Variants in LGSN observed in about 807,000 individuals in gnomAD.
LGSN encodes lengsin, lens protein with glutamine synthetase domain, also known as lengsin.
LGSN carries 21 observed loss-of-function variants against 19.5 expected under a neutral mutation model. That is an observed-to-expected ratio of 1.07 (90% CI 0.76 to 1.55). LGSN has a LOEUF of 1.55. Among genes scored for constraint, LGSN ranks in the 40% most tolerant of loss-of-function variants. The pLI is 0.00. For missense variants in LGSN, 673 were observed against 608.5 expected (o/e 1.11, Z -1.12); for synonymous variants, 257 against 215.6 (o/e 1.19, Z -1.68).
the LGSN span, among the ~76,000 whole-genome samples, chr6:63,479,426 TA>T: frequency 6.6e-6 from 1 of 151,788 alleles, no homozygotes; most frequent in African/African-American, 2.4e-5. Context: ...AATGGAATGT[TA>T]GAGCTAAATG....
chr6:63,394,419 A>C, the LGSN span, among the ~76,000 whole-genome samples: 2 of 152,206 alleles, frequency 1.3e-5, no homozygotes, highest in African/African-American at 4.8e-5. Context: ...GCATGCTAAA[A>C]GACACTCCCA....
At chr6:63,437,680 C>A in the LGSN span, among the ~76,000 whole-genome samples, 1 of 152,186 alleles carries the variant, frequency 6.6e-6, no homozygotes, top group Non-Finnish European at 1.5e-5. Context: ...CGCCTGTAAT[C>A]CCAGCACTTT....
chr6:63,377,556 C>T, the LGSN span, among the ~76,000 whole-genome samples: 1 of 152,076 alleles, frequency 6.6e-6, no homozygotes, highest in Admixed American at 6.5e-5. Flanking sequence ...CTAACGTAAA[C>T]CTAGAAGATC....
the LGSN span, among the ~76,000 whole-genome samples, chr6:63,412,415 G>GAAGAAAGAAAGAAAGA: frequency 2.0e-4 from 22 of 107,828 alleles, no homozygotes; most frequent in South Asian, 5.5e-4. Context: ...AAGAAAGAAA[G>GAAGAAAGAAAGAAAGA]AAGAAAGAAA....
chr6:63,386,043 C>T, the LGSN span, among the ~76,000 whole-genome samples: 1 of 152,114 alleles, frequency 6.6e-6, no homozygotes, highest in Non-Finnish European at 1.5e-5. Flanking sequence ...ATTCACTTAA[C>T]AGTTTTAAAA....
the LGSN span, among the ~76,000 whole-genome samples, chr6:63,326,119 C>T: frequency 6.6e-6 from 1 of 152,158 alleles, no homozygotes; most frequent in East Asian, 1.9e-4. Flanking sequence ...TCCAAGGCCC[C>T]ACCAGAGTAG....
intron 1 of LGSN, among the ~76,000 whole-genome samples, chr6:63,297,740 G>T (rs1234050822): frequency 1.3e-5 from 2 of 152,134 alleles, no homozygotes; most frequent in South Asian, 4.1e-4. Context: ...ATTCTCATCT[G>T]TAAACACTAA....
the LGSN span, among the ~76,000 whole-genome samples, chr6:63,464,431 A>G: frequency 6.6e-6 from 1 of 151,932 alleles, no homozygotes; most frequent in Non-Finnish European, 1.5e-5. Flanking sequence ...CATTCCTTCA[A>G]TAAATAATGT....
the LGSN span, among the ~76,000 whole-genome samples, chr6:63,495,469 T>TTTTTTGTTTTG: frequency 8.4e-6 from 1 of 119,306 alleles, no homozygotes; most frequent in Admixed American, 1.0e-4. Context: ...TTTTTTTTTT[T>TTTTTTGTTTTG]TTTTTTTGAG....
Position 63,288,230 on chromosome 6 carries a change from A to AAAATAAATAAAT in LGSN, c.164-2489_164-2478dup, listed in dbSNP as rs561099445. Among the ~76,000 whole-genome samples, 767 of 138,488 alleles carry AAAATAAATAAAT rather than the reference A, an allele frequency of 5.5e-3. 3 individuals are homozygous for AAAATAAATAAAT. Among genetic ancestry groups the AAAATAAATAAAT allele is most frequent in the Non-Finnish European group, 5.9e-3 (378 of 63,954 alleles). 90.9% of individuals were successfully genotyped at this position (138,488 alleles called of 152,430 possible). A position where few individuals can be genotyped will look rare whatever the true frequency, so the allele number is the denominator to read the frequency against. On this transcript the variant is annotated intron_variant, in intron 2 of 3. Coordinates refer to ENST00000370657, the MANE Select transcript of LGSN (RefSeq NM_016571.3). ...TGACAGAGTGAGACTCCATCTCAAAAAAATAAATAAATAAATAAATAAATA... is the reference window on the plus strand; with the variant it reads ...TGACAGAGTGAGACTCCATCTCAAAAAAATAAATAAATAAATAAATAAATAAATAAATAAATA...
chr6:63,294,248 T>C (rs1375024021), intron 2 of LGSN, among the ~76,000 whole-genome samples: 4 of 151,910 alleles, frequency 2.6e-5, no homozygotes, highest in East Asian at 1.9e-4. Context: ...GGCAGGAGGA[T>C]CACTTGAGCC....
At chr6:63,512,331 C>T in the LGSN span, among the ~76,000 whole-genome samples, 1 of 152,174 alleles carries the variant, frequency 6.6e-6, no homozygotes, top group Non-Finnish European at 1.5e-5. Flanking sequence ...GATCTACCTG[C>T]CTCGGCCTCC....
chr6:63,282,141 G>A (rs550161199), intron 3 of LGSN, among the ~76,000 whole-genome samples: 1 of 152,234 alleles, frequency 6.6e-6, no homozygotes, highest in Admixed American at 6.5e-5. Flanking sequence ...CAGGCAACAG[G>A]GAAGTGATAA....
chr6:63,309,820 T>C (rs374955599), intron 1 of LGSN, among the ~76,000 whole-genome samples: 1 of 152,242 alleles, frequency 6.6e-6, no homozygotes, highest in East Asian at 1.9e-4. Flanking sequence ...TATTTAACTG[T>C]AATTTTGTAT....
chr6:63,570,832 A>C, the LGSN span, among the ~76,000 whole-genome samples: 1 of 152,176 alleles, frequency 6.6e-6, no homozygotes, highest in Non-Finnish European at 1.5e-5. Context: ...TATTTCCCCC[A>C]GTGTGAAATT....
the LGSN span, among the ~76,000 whole-genome samples, chr6:63,502,683 C>A: frequency 6.6e-6 from 1 of 152,126 alleles, no homozygotes; most frequent in Non-Finnish European, 1.5e-5. Context: ...TGTTGCTGAA[C>A]CTTCTAAAAG....
chr6:63,424,196 C>G, the LGSN span, among the ~76,000 whole-genome samples: 1 of 151,996 alleles, frequency 6.6e-6, no homozygotes, highest in Non-Finnish European at 1.5e-5. Flanking sequence ...CAACTGTATA[C>G]ATATAAATTT....
At chr6:63,489,073 T>TA in the LGSN span, among the ~76,000 whole-genome samples, 3 of 152,300 alleles carry the variant, frequency 2.0e-5, no homozygotes, top group East Asian at 5.8e-4. Context: ...AGGATCATGA[T>TA]AAAAAATTGA....
chr6:63,320,154 C>T (rs919490224), upstream of LGSN, among the ~76,000 whole-genome samples: 5 of 152,124 alleles, frequency 3.3e-5, no homozygotes, highest in South Asian at 2.1e-4. Context: ...CTAGAAGAAT[C>T]GAATGACAAA....
Sources: allele counts gnomAD v4.1 joint callset (sites outside exome capture counted in the v4.1 genomes callset), GRCh38; gene constraint gnomAD v4.1.1; transcripts MANE v1.5; gene names NCBI Gene and HGNC (gene_info 2026-07-23, HGNC 2026-07-21).